Variants in SNTB1 observed in about 807,000 individuals in gnomAD.
SNTB1 encodes the protein syntrophin beta 1, also known as beta-1-syntrophin.
SNTB1 carries 36 observed loss-of-function variants against 48.9 expected under a neutral mutation model. The observed-to-expected ratio is 0.74, with a 90% CI of 0.56 to 0.97. SNTB1 has a LOEUF of 0.97. Among genes scored for constraint, SNTB1 ranks in the 50% least tolerant of loss-of-function variants. The pLI, the probability that SNTB1 is intolerant of heterozygous loss-of-function variation, is 0.00. For missense variants in SNTB1, 786 were observed against 703.4 expected, an observed-to-expected ratio of 1.12 and a Z score of -1.33; for synonymous variants, 299 against 294.6, an observed-to-expected ratio of 1.01 and a Z score of -0.15.
intron 1 of SNTB1, among the ~76,000 whole-genome samples, chr8:120,744,375 A>C (rs1263166774): frequency 6.6e-6 from 1 of 152,158 alleles, no homozygotes; most frequent in African/African-American, 2.4e-5. Flanking sequence ...AGAAAAACGT[A>C]CAAAGATTCC....
chr8:120,729,552 G>A (rs952611747), intron 1 of SNTB1, among the ~76,000 whole-genome samples: 1 of 152,206 alleles, frequency 6.6e-6, no homozygotes, highest in Non-Finnish European at 1.5e-5. Flanking sequence ...CTGAGGGTGA[G>A]AGTTTTGGTA....
At chr8:120,765,889 G>C (rs755103621) in intron 1 of SNTB1, 19 of 152,018 alleles carry the variant, frequency 1.2e-4, no homozygotes, top group Non-Finnish European at 2.5e-4. Context: ...AGGAGAGAAG[G>C]GGGTTGTGTC....
chr8:120,625,870 G>A (rs1816865464), intron 3 of SNTB1, among the ~76,000 whole-genome samples: 1 of 152,172 alleles, frequency 6.6e-6, no homozygotes, highest in Admixed American at 6.5e-5. Context: ...GTTCCCTCAG[G>A]TCAGAGACTA....
intron 3 of SNTB1, among the ~76,000 whole-genome samples, chr8:120,594,194 G>T (rs551050391): frequency 1.1e-4 from 16 of 151,624 alleles, no homozygotes; most frequent in African/African-American, 3.1e-4. Context: ...CTCCTGAGTC[G>T]CTGGCACTAC....
chr8:120,591,900 CAGTT>C (rs1170265216), intron 3 of SNTB1, among the ~76,000 whole-genome samples: 1 of 152,078 alleles, frequency 6.6e-6, no homozygotes. Context: ...AGGGACAGCT[CAGTT>C]AAAGATGATG....
intron 1 of SNTB1, among the ~76,000 whole-genome samples, chr8:120,743,021 T>C (rs965756413): frequency 1.3e-5 from 2 of 152,164 alleles, no homozygotes; most frequent in Admixed American, 6.5e-5. Context: ...GTAAGATATT[T>C]AGAAAAAAGT....
chr8:120,660,712 A>G (rs1000764559), intron 2 of SNTB1, among the ~76,000 whole-genome samples: 2 of 152,218 alleles, frequency 1.3e-5, no homozygotes, highest in Admixed American at 6.5e-5. Flanking sequence ...CTTTCAGCCT[A>G]TTTCAGCTTT....
intron 1 of SNTB1, among the ~76,000 whole-genome samples, chr8:120,702,580 G>T (rs1444242299): frequency 6.6e-6 from 1 of 151,680 alleles, no homozygotes; most frequent in East Asian, 1.9e-4. Context: ...CACCAGCTGT[G>T]CTTTGTAGCA....
At chr8:120,551,771 T>C (rs1815485982) in intron 4 of SNTB1, among the ~76,000 whole-genome samples, 1 of 150,434 alleles carries the variant, frequency 6.6e-6, no homozygotes, top group African/African-American at 2.4e-5. Context: ...TTGTGAAGAT[T>C]AAACAACCAA....
Position 120,614,123 on chromosome 8 carries a change from C to T in SNTB1, c.996+18321G>A, listed in dbSNP as rs79978967. Among the ~76,000 whole-genome samples the T allele has an allele frequency of 3.2e-4, 49 of 152,296 alleles. 1 individual carries two copies. In the East Asian group the frequency reaches 8.3e-3, roughly 26 times the overall value. ...TATCCACAGCATTACAGCAGGCATC[C>T]TTCTTTCTCATATAACATACATTCT... On this transcript the variant is annotated intron_variant, in intron 3 of 6. Coordinates refer to ENST00000517992, the MANE Select transcript of SNTB1 (RefSeq NM_021021.4).
rs147190651 is a variant in SNTB1, at chr8:120,608,701, T to A, written c.996+23743A>T. On this transcript the variant is annotated intron_variant, in intron 3 of 6. Transcript: ENST00000517992. ...CAGCTTCTATAATACAATAAAAGGATAGAGACGACACTAGAAATCTGTTTA... is the reference window on the plus strand; with the variant it reads ...CAGCTTCTATAATACAATAAAAGGAAAGAGACGACACTAGAAATCTGTTTA... Among the ~76,000 whole-genome samples the A allele has an allele frequency of 5.3e-5, 8 of 152,224 alleles. No homozygotes were observed. The East Asian group carries it at 1.5e-3, about 29-fold the overall frequency.
At chr8:120,773,707 TACAATA>T (rs1273472396) in intron 1 of SNTB1, among the ~76,000 whole-genome samples, 1 of 152,202 alleles carries the variant, frequency 6.6e-6, no homozygotes, top group Non-Finnish European at 1.5e-5. Flanking sequence ...GTGTGCCAAA[TACAATA>T]ACCTTATATT....
intron 4 of SNTB1, among the ~76,000 whole-genome samples, chr8:120,556,144 A>T (rs561654352): frequency 6.6e-6 from 1 of 152,298 alleles, no homozygotes; most frequent in East Asian, 1.9e-4. Context: ...TTAAAAGGAG[A>T]AATACTGTCT....
chr8:120,595,367 C>G (rs975927777), intron 3 of SNTB1, among the ~76,000 whole-genome samples: 3 of 152,146 alleles, frequency 2.0e-5, no homozygotes, highest in African/African-American at 7.2e-5. Context: ...ACAAGAGTGA[C>G]CTCTGGTCAT....
At chr8:120,700,902 CACA>C (rs530983729) in intron 1 of SNTB1, among the ~76,000 whole-genome samples, 57 of 151,938 alleles carry the variant, frequency 3.8e-4, no homozygotes, top group African/African-American at 1.3e-3. Flanking sequence ...TAACAACAAA[CACA>C]ACAACAAAAA....
intron 1 of SNTB1, among the ~76,000 whole-genome samples, chr8:120,758,990 T>C (rs1344644809): frequency 6.6e-6 from 1 of 152,052 alleles, no homozygotes; most frequent in Non-Finnish European, 1.5e-5. Context: ...AGGCTGGTCT[T>C]GAACTCCTGG....
In SNTB1 at chr8:120,606,640, AT is replaced by A. The variant is rs577827557; in HGVS notation, c.996+25803del. Among the ~76,000 whole-genome samples, 153 of 152,240 alleles carry A rather than the reference AT, an allele frequency of 1.0e-3. No individual in the cohort carries two copies. The Middle Eastern group carries it at 0.01, about 10-fold the overall frequency. The stretch of plus-strand genomic sequence containing the variant: ...GAAGGTCATTATTCACTGAGGTAAA[AT>A]TTTCAGTAAGTTGTCTTTAAAAGAA... On this transcript the variant is annotated intron_variant, in intron 3 of 6. Coordinates refer to ENST00000517992, the MANE Select transcript of SNTB1 (RefSeq NM_021021.4).
chr8:120,752,925 T>C (rs1385851921), intron 1 of SNTB1, among the ~76,000 whole-genome samples: 1 of 138,662 alleles, frequency 7.2e-6, no homozygotes, highest in Non-Finnish European at 1.5e-5. Context: ...CCCAGCAACA[T>C]GCAATTTACC....
chr8:120,596,224 A>G (rs1343721907), intron 3 of SNTB1, among the ~76,000 whole-genome samples: 1 of 152,254 alleles, frequency 6.6e-6, no homozygotes, highest in Non-Finnish European at 1.5e-5. Flanking sequence ...CATAACATGC[A>G]TACATTAAGG....
Sources: allele counts gnomAD v4.1 joint callset (sites outside exome capture counted in the v4.1 genomes callset), GRCh38; gene constraint gnomAD v4.1.1; transcripts MANE v1.5; gene names NCBI Gene and HGNC (gene_info 2026-07-23, HGNC 2026-07-21).